The following SCHIP1 variants were observed in gnomAD, a reference collection of about 807,000 sequenced individuals.
SCHIP1 encodes the protein schwannomin interacting protein 1, also known as schwannomin-interacting protein 1.
In SCHIP1, 8 loss-of-function variants were observed where a neutral mutation model predicts 29.7. The observed-to-expected ratio is 0.27, with a 90% CI of 0.16 to 0.49. The LOEUF (loss-of-function observed/expected upper bound fraction) is 0.49. Among genes scored for constraint, SCHIP1 ranks in the 20% least tolerant of loss-of-function variants. The pLI, the probability that SCHIP1 is intolerant of heterozygous loss-of-function variation, is 0.99. For missense variants in SCHIP1, 193 were observed against 294.6 expected (o/e 0.66, Z 2.52); for synonymous variants, 76 against 94.9 (o/e 0.80, Z 1.16).
chr3:159,495,058 C>G, the SCHIP1 span, among the ~76,000 whole-genome samples: 1 of 152,138 alleles, frequency 6.6e-6, no homozygotes, highest in African/African-American at 2.4e-5. Flanking sequence ...ATTCAACAGC[C>G]CTTCATGCTA....
chr3:159,711,234 G>A, the SCHIP1 span, among the ~76,000 whole-genome samples: 13 of 126,726 alleles, frequency 1.0e-4, 3 homozygotes, highest in Non-Finnish European at 1.9e-4. Flanking sequence ...AGTGGCGGGC[G>A]CCTGTAGTCC....
chr3:159,561,482 A>G, the SCHIP1 span, among the ~76,000 whole-genome samples: 3 of 152,238 alleles, frequency 2.0e-5, no homozygotes, highest in Non-Finnish European at 4.4e-5. Context: ...TAGCCATATC[A>G]GTTAACTGTC....
chr3:159,870,545 A>G (rs1438999481), intron 2 of SCHIP1, among the ~76,000 whole-genome samples: 1 of 152,032 alleles, frequency 6.6e-6, no homozygotes, highest in African/African-American at 2.4e-5. Context: ...AGATTTTCAA[A>G]ATATTAAACC....
At chr3:159,369,303 T>A in the SCHIP1 span, among the ~76,000 whole-genome samples, 22 of 152,220 alleles carry the variant, frequency 1.4e-4, no homozygotes, top group Non-Finnish European at 1.5e-5. Flanking sequence ...CCTTTTTCAA[T>A]AAAATAATAA....
chr3:159,598,203 C>A, the SCHIP1 span, among the ~76,000 whole-genome samples: 3 of 152,144 alleles, frequency 2.0e-5, no homozygotes, highest in Non-Finnish European at 2.9e-5. Flanking sequence ...TGGCCTCTCC[C>A]AAATCTTATG....
At chr3:159,827,572 G>A in the SCHIP1 span, among the ~76,000 whole-genome samples, 2 of 152,042 alleles carry the variant, frequency 1.3e-5, no homozygotes, top group African/African-American at 4.8e-5. Flanking sequence ...TTGGGAGGCC[G>A]AGGCGGGTGG....
At chr3:159,686,567 TG>T in the SCHIP1 span, among the ~76,000 whole-genome samples, 1 of 152,150 alleles carries the variant, frequency 6.6e-6, no homozygotes. Flanking sequence ...TGAATAAAAA[TG>T]TTTATTATAT....
the SCHIP1 span, among the ~76,000 whole-genome samples, chr3:159,474,264 A>C: frequency 6.6e-6 from 1 of 152,124 alleles, no homozygotes; most frequent in Admixed American, 6.6e-5. Flanking sequence ...GTTTTTGACC[A>C]TTTCACAGAA....
chr3:159,507,183 A>G, the SCHIP1 span, among the ~76,000 whole-genome samples: 19 of 152,262 alleles, frequency 1.2e-4, no homozygotes, highest in East Asian at 3.7e-3. Flanking sequence ...GGTCCTTCAC[A>G]TCCCTTGTAA....
At chr3:159,276,556 A>G in the SCHIP1 span, among the ~76,000 whole-genome samples, 1 of 152,122 alleles carries the variant, frequency 6.6e-6, no homozygotes, top group African/African-American at 2.4e-5. Flanking sequence ...CTCTGTCCCA[A>G]TTTTATTTGC....
the SCHIP1 span, among the ~76,000 whole-genome samples, chr3:159,431,748 G>C: frequency 6.6e-6 from 1 of 150,912 alleles, no homozygotes; most frequent in Admixed American, 6.6e-5. Context: ...GGCAGTGGTT[G>C]CAATGAGCTG....
the SCHIP1 span, among the ~76,000 whole-genome samples, chr3:159,341,525 C>T: frequency 3.3e-5 from 5 of 152,158 alleles, no homozygotes; most frequent in Non-Finnish European, 5.9e-5. Flanking sequence ...CTGAGGGTAC[C>T]ATCCATCAAG....
At chr3:159,601,982 A>G in the SCHIP1 span, among the ~76,000 whole-genome samples, 283 of 152,268 alleles carry the variant, frequency 1.9e-3, 1 homozygote, top group African/African-American at 6.5e-3. Context: ...TTTAGGTCTC[A>G]TAGGGGAGGG....
At chr3:159,608,730 TAA>T in the SCHIP1 span, among the ~76,000 whole-genome samples, 1 of 152,218 alleles carries the variant, frequency 6.6e-6, no homozygotes, top group Non-Finnish European at 1.5e-5. Flanking sequence ...TGACCATGGA[TAA>T]GTTTCTTGCC....
the SCHIP1 span, among the ~76,000 whole-genome samples, chr3:159,683,818 ACT>A: frequency 6.6e-6 from 1 of 152,056 alleles, no homozygotes; most frequent in Admixed American, 6.6e-5. Flanking sequence ...TGAAGATAAG[ACT>A]CTGGTGTATA....
the SCHIP1 span, among the ~76,000 whole-genome samples, chr3:159,345,925 C>T: frequency 1.3e-5 from 2 of 152,016 alleles, no homozygotes; most frequent in Non-Finnish European, 2.9e-5. Flanking sequence ...TGGGCGCTTT[C>T]ACTCATGCCT....
At chr3:159,655,380 GTGA>G in the SCHIP1 span, among the ~76,000 whole-genome samples, 13 of 151,978 alleles carry the variant, frequency 8.6e-5, no homozygotes, top group African/African-American at 1.9e-4. Flanking sequence ...AGTAGTAGTA[GTGA>G]TGATGATGAT....
chr3:159,429,169 C>T, the SCHIP1 span, among the ~76,000 whole-genome samples: 5 of 146,564 alleles, frequency 3.4e-5, no homozygotes, highest in Admixed American at 7.0e-5. Context: ...ACATTGTGCA[C>T]ATGTACCCTA....
chr3:159,279,623 A>G, the SCHIP1 span, among the ~76,000 whole-genome samples: 14 of 152,146 alleles, frequency 9.2e-5, no homozygotes, highest in African/African-American at 3.1e-4. Context: ...AACCTGGTAT[A>G]GCCTGCTAGA....
Sources: allele counts gnomAD v4.1 joint callset (sites outside exome capture counted in the v4.1 genomes callset), GRCh38; gene constraint gnomAD v4.1.1; transcripts MANE v1.5; gene names NCBI Gene and HGNC (gene_info 2026-07-23, HGNC 2026-07-21).